AARS1: variants seen among roughly 807,000 people sequenced by gnomAD.
AARS1 encodes the protein alanine--tRNA ligase, cytoplasmic.
A neutral mutation model predicts 108.9 loss-of-function variants in AARS1; 72 were observed. The observed-to-expected ratio is 0.66, with a 90% CI of 0.55 to 0.80. AARS1 has a LOEUF of 0.80. Ranked by LOEUF, AARS1 falls within the 30% of genes least tolerant of loss-of-function variation. The pLI is 0.00. For missense variants in AARS1, 1,193 were observed against 1,233.2 expected, an observed-to-expected ratio of 0.97 and a Z score of 0.49; for synonymous variants, 489 against 465.7, an observed-to-expected ratio of 1.05 and a Z score of -0.64.
rs541594672 is a variant in AARS1 at position 70,262,543 on chromosome 16, T to A, written c.1493-19A>T. ...TCAAATACTGCTCAAGGGAAATGCA[T>A]AGAAAGGGGACAGTGGGGTCAATGA... is the stretch of plus-strand genomic sequence containing the variant. On this transcript the variant is annotated intron_variant, in intron 11 of 20. Coordinates refer to ENST00000261772, the MANE Select transcript of AARS1 (RefSeq NM_001605.3). 5 of 1,601,732 alleles carry A rather than the reference T, an allele frequency of 3.1e-6. No individual in the cohort carries two copies. In the Admixed American group the frequency reaches 8.4e-5, roughly 27 times the overall value.
At chr16:70,263,951 A>G (rs1390586971) in intron 11 of AARS1, among the ~76,000 whole-genome samples, 1 of 152,068 alleles carries the variant, frequency 6.6e-6, no homozygotes, top group Non-Finnish European at 1.5e-5. Context: ...TCTTAACTTT[A>G]GAATACTATT....
intron 4 of AARS1, among the ~76,000 whole-genome samples, chr16:70,272,616 C>T (rs1383968870): frequency 1.3e-5 from 2 of 150,432 alleles, no homozygotes; most frequent in East Asian, 2.0e-4. Flanking sequence ...ATGATATGCT[C>T]GAAACTCAAT....
At chr16:70,254,353 AG>A (rs1464952348) in intron 17 of AARS1, 1 of 583,866 alleles carries the variant, frequency 1.7e-6, no homozygotes, top group Non-Finnish European at 3.1e-6. Flanking sequence ...GGCCAGCCTT[AG>A]CCCATTCCCC....
intron 6 of AARS1, 118 bp downstream of exon 6, chr16:70,270,078 T>A: frequency 7.7e-7 from 1 of 1,302,268 alleles, no homozygotes; most frequent in Non-Finnish European, 1.1e-6. Context: ...AGTAGGCAGA[T>A]GGAAATGGGT....
chr16:70,261,636 A>T (rs192629226), intron 12 of AARS1, among the ~76,000 whole-genome samples: 39 of 150,700 alleles, frequency 2.6e-4, no homozygotes, highest in Middle Eastern at 3.5e-3. Context: ...TTGTGCACAC[A>T]CACAGACATA....
In AARS1 at chr16:70,254,603, G is replaced by A. The variant is rs370210754; in HGVS notation, c.2400+18C>T. 3.2e-6 allele frequency: 5 copies of A among 1,556,422 alleles called. No individual in the cohort carries two copies. Among genetic ancestry groups the A allele is most frequent in the South Asian group, 1.1e-5 (1 of 90,000 alleles). ...ATGCACCAGGCCCTGAGGACGGAGG[G>A]AGGGAAGCCGCCCCTACCTCTCCAA... On this transcript the variant is annotated intron_variant, in intron 17 of 20. Transcript: ENST00000261772.
Position 70,271,840 on chromosome 16 carries a change from G to A in AARS1, c.612C>T (p.Val204=), listed in dbSNP as rs1217026810. 3 of 1,613,816 alleles carry A rather than the reference G, an allele frequency of 1.9e-6. No individual in the cohort carries two copies. In the Admixed American group the frequency reaches 5.0e-5, roughly 27 times the overall value. ...RIGGRDAAHL[V]NQDDPNVLEI... ...CCAGCACATTAGGGTCGTCCTGGTT[G>A]ACAAGATGTGCGGCGTCCCGACCAC... is the stretch of plus-strand genomic sequence containing the variant. Residue 204 remains valine, a synonymous_variant, in exon 5 of 21, where the codon GTC becomes GTT. Transcript: ENST00000261772.
intron 4 of AARS1, among the ~76,000 whole-genome samples, chr16:70,274,281 C>T (rs1006587648): frequency 9.9e-5 from 15 of 151,266 alleles, no homozygotes; most frequent in Admixed American, 2.0e-4. Context: ...ACGGAGGTTG[C>T]GGTGAGCCAA....
At chr16:70,254,282 C>G (rs890624784) in intron 17 of AARS1, 1 of 608,922 alleles carries the variant, frequency 1.6e-6, no homozygotes, top group African/African-American at 1.9e-5. Context: ...TGGGAACAGC[C>G]TGTGATAAGC....
chr16:70,289,201 G>A (rs1249040052), intron 1 of AARS1, among the ~76,000 whole-genome samples: 1 of 152,036 alleles, frequency 6.6e-6, no homozygotes, highest in East Asian at 1.9e-4. Flanking sequence ...CAACCGTGAG[G>A]TATTGGTGCT....
intron 19 of AARS1, 22 bp from the exon 20 acceptor site, chr16:70,253,403 G>A: frequency 1.3e-6 from 2 of 1,579,914 alleles, no homozygotes; most frequent in South Asian, 1.1e-5. Context: ...ACCTGGCTCA[G>A]GCCACGGTGC....
intron 2 of AARS1, among the ~76,000 whole-genome samples, chr16:70,281,099 G>T (rs1366863226): frequency 6.6e-6 from 1 of 152,070 alleles, no homozygotes; most frequent in East Asian, 1.9e-4. Flanking sequence ...CAGAGTGTTG[G>T]GATTACAAGT....
At position 70,253,926 on chromosome 16, in the gene AARS1, T is replaced by C; in HGVS notation, c.2513A>G (p.Gln838Arg). ...DLDRASKADVQKRVLEKTKQF... is the reference protein window; with the variant it reads ...DLDRASKADVRKRVLEKTKQF... ...GGTGCTGCCAGGACTCACTCGTTTC[T>C]GGACATCGGCTTTGCTGGCTCGGTC... Residue 838 changes from glutamine (Q) to arginine (R), a missense_variant, in exon 18 of 21, where the codon CAG becomes CGG. Coordinates refer to ENST00000261772, the MANE Select transcript of AARS1 (RefSeq NM_001605.3). 1 of 1,614,248 alleles carries C rather than the reference T, an allele frequency of 6.2e-7. No individual in the cohort carries two copies. The highest frequency in any genetic ancestry group is 1.1e-5 in the South Asian group (1 of 91,090).
intron 1 of AARS1, among the ~76,000 whole-genome samples, chr16:70,288,071 CTTAT>C (rs1386717993): frequency 2.8e-5 from 4 of 144,686 alleles, no homozygotes; most frequent in South Asian, 2.3e-4. Flanking sequence ...GGCCAAGACA[CTTAT>C]TTAAGACAGC....
chr16:70,258,350 C>T, intron 14 of AARS1, 133 bp from the exon 15 acceptor site: 2 of 898,386 alleles, frequency 2.2e-6, no homozygotes, highest in Non-Finnish European at 3.5e-6. Context: ...CCATGAGCTT[C>T]CTCAATCACA....
At chr16:70,255,193 C>CTTTTTTTTTT (rs1567601605) in intron 16 of AARS1, among the ~76,000 whole-genome samples, 15 of 124,744 alleles carry the variant, frequency 1.2e-4, no homozygotes, top group African/African-American at 4.1e-4. Context: ...GCCAGATTCA[C>CTTTTTTTTTT]ATTTTTTTTT....
chr16:70,254,420 C>A, intron 17 of AARS1: 1 of 621,342 alleles, frequency 1.6e-6, no homozygotes, highest in Non-Finnish European at 2.9e-6. Flanking sequence ...CTGCTAGCAG[C>A]ACTGGGAGCA....
At chr16:70,285,450 CT>C (rs999328073) in intron 1 of AARS1, among the ~76,000 whole-genome samples, 17 of 150,944 alleles carry the variant, frequency 1.1e-4, no homozygotes, top group African/African-American at 3.6e-4. Context: ...CAGTTAATTT[CT>C]TTTTTTTTCT....
At chr16:70,287,701 C>A (rs913219158) in intron 1 of AARS1, among the ~76,000 whole-genome samples, 1 of 151,986 alleles carries the variant, frequency 6.6e-6, no homozygotes, top group African/African-American at 2.4e-5. Context: ...TATGGTCACA[C>A]CAAAACATTC....
Sources: allele counts gnomAD v4.1 joint callset (sites outside exome capture counted in the v4.1 genomes callset), GRCh38; gene constraint gnomAD v4.1.1; transcripts MANE v1.5; gene names NCBI Gene and HGNC (gene_info 2026-07-23, HGNC 2026-07-21).